The following ARHGAP22 variants were observed in gnomAD, a reference collection of about 807,000 sequenced individuals.
The protein encoded by ARHGAP22 is rho GTPase-activating protein 22.
Under a neutral mutation model 59.1 loss-of-function variants are expected in ARHGAP22, and 48 were observed. The ratio of observed to expected loss-of-function variants is 0.81; its 90% CI spans 0.64 to 1.03. The LOEUF (loss-of-function observed/expected upper bound fraction) is 1.03. Ranked by LOEUF, ARHGAP22 falls within the 50% of genes least tolerant of loss-of-function variation. ARHGAP22 has a pLI of 0.00. For synonymous variants in ARHGAP22, 445 were observed against 416.4 expected, an observed-to-expected ratio of 1.07 and a Z score of -0.84; for missense variants, 1,015 against 958.7, an observed-to-expected ratio of 1.06 and a Z score of -0.78.
chr10:48,450,697 CT>C lies in ARHGAP22; in HGVS notation c.1431del (p.Asp478ThrfsTer144). 6.4e-7 allele frequency: 1 copy of C among 1,552,346 alleles called. No individual in the cohort carries two copies. The highest frequency in any genetic ancestry group is 1.7e-4 in the Middle Eastern group (1 of 5,996). On this transcript the variant is annotated frameshift_variant, in exon 9 of 10. Transcript: ENST00000249601. LOFTEE classifies it high-confidence loss of function. ...SLRGHRRASS[G>X]DRLKDSGSVQ... ...ACGGAGCCCGAGTCCTTGAGCCGGT[CT>C]CCCGACGAGGCCCGGCGGTGTCCGC...
chr10:48,538,978 G>A (rs1237822611), intron 3 of ARHGAP22, among the ~76,000 whole-genome samples: 1 of 152,166 alleles, frequency 6.6e-6, no homozygotes, highest in African/African-American at 2.4e-5. Context: ...TAAAATAAAA[G>A]ATATCTTCTA....
At chr10:48,586,426 C>G (rs2059426909) in intron 1 of ARHGAP22, among the ~76,000 whole-genome samples, 1 of 152,146 alleles carries the variant, frequency 6.6e-6, no homozygotes, top group Admixed American at 6.5e-5. Flanking sequence ...TAATGGGTTA[C>G]TATGGTGATA....
the ARHGAP22 span, among the ~76,000 whole-genome samples, chr10:48,431,768 CTTTTT>C: frequency 3.9e-5 from 6 of 151,926 alleles, no homozygotes; most frequent in Non-Finnish European, 5.9e-5. Context: ...GGAGTTAAAA[CTTTTT>C]TTTATCATAA....
intron 1 of ARHGAP22, among the ~76,000 whole-genome samples, chr10:48,629,152 T>A (rs1016694074): frequency 2.6e-5 from 4 of 152,156 alleles, no homozygotes; most frequent in African/African-American, 9.7e-5. Flanking sequence ...AGAGACACAC[T>A]ACCTTCCTAG....
upstream of ARHGAP22, among the ~76,000 whole-genome samples, chr10:48,654,785 T>A (rs1177510038): frequency 3.0e-5 from 2 of 66,284 alleles, no homozygotes; most frequent in Admixed American, 1.6e-4. Flanking sequence ...TTTCTTTCTT[T>A]CTTTCTTTCT....
intron 3 of ARHGAP22, among the ~76,000 whole-genome samples, chr10:48,505,727 C>T (rs183342987): frequency 6.8e-4 from 103 of 152,284 alleles, no homozygotes; most frequent in South Asian, 1.9e-3. Context: ...ACGGCTTCTC[C>T]TGGCTGGGAT....
At chr10:48,626,561 T>G (rs1432798003) in intron 1 of ARHGAP22, among the ~76,000 whole-genome samples, 2 of 152,174 alleles carry the variant, frequency 1.3e-5, no homozygotes, top group Non-Finnish European at 2.9e-5. Context: ...TTCCTGAATA[T>G]CCTGGCAGAT....
At chr10:48,595,167 G>A (rs1205159230) in intron 1 of ARHGAP22, among the ~76,000 whole-genome samples, 1 of 152,240 alleles carries the variant, frequency 6.6e-6, no homozygotes, top group Admixed American at 6.5e-5. Context: ...GCATGGAGAA[G>A]TGGCTGTAGG....
the ARHGAP22 span, chr10:48,431,277 T>G: frequency 6.2e-7 from 1 of 1,601,218 alleles, no homozygotes; most frequent in Non-Finnish European, 8.6e-7. Context: ...TTAGGTTGGT[T>G]ACAATATAAG....
At chr10:48,573,313 C>T (rs948015387) in intron 2 of ARHGAP22, among the ~76,000 whole-genome samples, 4 of 152,178 alleles carry the variant, frequency 2.6e-5, no homozygotes, top group African/African-American at 9.7e-5. Context: ...TGGTTATTCT[C>T]AACTTACAAG....
At chr10:48,590,661 G>T (rs77812234) in intron 1 of ARHGAP22, among the ~76,000 whole-genome samples, 2 of 152,196 alleles carry the variant, frequency 1.3e-5, no homozygotes, top group Non-Finnish European at 2.9e-5. Flanking sequence ...TACAGGTCGC[G>T]CTGTGCCGGG....
chr10:48,605,252 G>C (rs1307799618), upstream of ARHGAP22: 2 of 741,948 alleles, frequency 2.7e-6, no homozygotes, highest in African/African-American at 3.8e-5. Context: ...GAAGAAATGC[G>C]CCTTTCAGCC....
chr10:48,446,376 G>C lies in ARHGAP22; in HGVS notation c.*15C>G. 6.2e-7 allele frequency: 1 copy of C among 1,613,284 alleles called. No individual in the cohort carries two copies. Among genetic ancestry groups the C allele is most frequent in the South Asian group, 1.1e-5 (1 of 91,050 alleles). ...ACCAGCAGACGTGGTACAGAAGTGA[G>C]CTCTGCCATTCCTTTTACTTTGGGG... On this transcript the variant is annotated 3_prime_UTR_variant, in exon 10 of 10. Coordinates refer to ENST00000249601, the MANE Select transcript of ARHGAP22 (RefSeq NM_021226.4).
At chr10:48,494,988 C>T (rs2134275753) in intron 3 of ARHGAP22, among the ~76,000 whole-genome samples, 1 of 152,310 alleles carries the variant, frequency 6.6e-6, no homozygotes, top group South Asian at 2.1e-4. Flanking sequence ...GGGTGAGAGC[C>T]TTCGTCAAGG....
rs115248528 is a variant in ARHGAP22, at chr10:48,459,878, C to T, written c.465G>A (p.Gln155=). ...CGTGGTGGACTGTTTCCTCTAGGCG[C>T]TGCCCAAAGATCCCTGAGCACAGAG... ...WAPLGGGIFG[Q]RLEETVHHER... The change falls in exon 5 of 10, where the codon CAG becomes CAA. Residue 155 remains glutamine (Q), a synonymous_variant. Coordinates refer to ENST00000249601, the MANE Select transcript of ARHGAP22 (RefSeq NM_021226.4). 1.9e-4 allele frequency: 313 copies of T among 1,612,420 alleles called. 1 individual carries two copies. In the African/African-American group the frequency reaches 3.8e-3, roughly 19 times the overall value.
At chr10:48,468,190 T>G (rs768998720) in intron 4 of ARHGAP22, among the ~76,000 whole-genome samples, 5 of 152,224 alleles carry the variant, frequency 3.3e-5, no homozygotes, top group Non-Finnish European at 2.9e-5. Context: ...TTTCACATGT[T>G]TGCATTTGAC....
chr10:48,615,413 A>G (rs2061041848), intron 1 of ARHGAP22, among the ~76,000 whole-genome samples: 1 of 152,272 alleles, frequency 6.6e-6, no homozygotes, highest in South Asian at 2.1e-4. Flanking sequence ...AAATTATTTC[A>G]GAAAAGTTAT....
intron 1 of ARHGAP22, among the ~76,000 whole-genome samples, chr10:48,649,636 A>T (rs2062467482): frequency 6.6e-6 from 1 of 152,144 alleles, no homozygotes; most frequent in Admixed American, 6.5e-5. Context: ...AGTGGTCTGA[A>T]GTTTGGGAGC....
rs768146377 is a variant in ARHGAP22, at chr10:48,620,170, C to T, written c.52+32064G>A. 7.9e-5 allele frequency among the ~76,000 whole-genome samples: 12 copies of T among 152,270 alleles called. No individual in the cohort carries two copies. In the South Asian group the frequency reaches 1.4e-3, roughly 18 times the overall value. ...GCCAAAGTCTTGGGAAAGAATGAAT[C>T]AATACAGTTCCTCACAGAGTTTATT... On this transcript the variant is annotated intron_variant, in intron 1 of 9. Coordinates refer to the ARHGAP22 transcript ENST00000435790.
Sources: allele counts gnomAD v4.1 joint callset (sites outside exome capture counted in the v4.1 genomes callset), GRCh38; gene constraint gnomAD v4.1.1; transcripts MANE v1.5; gene names NCBI Gene and HGNC (gene_info 2026-07-23, HGNC 2026-07-21).